The following SRGAP2C variants were observed in gnomAD, a reference collection of about 807,000 sequenced individuals.
The protein encoded by SRGAP2C is SLIT-ROBO Rho GTPase activating protein 2C.
Under a neutral mutation model 25.1 loss-of-function variants are expected in SRGAP2C, and 15 were observed. The observed-to-expected ratio is 0.60, with a 90% CI of 0.40 to 0.92. SRGAP2C has a LOEUF of 0.92. Ranked by LOEUF, SRGAP2C falls within the 40% of genes least tolerant of loss-of-function variation. The probability of loss-of-function intolerance (pLI) is 0.00; values close to 1 mark genes in which losing one functional copy is unlikely to be tolerated. For missense variants in SRGAP2C, 144 were observed against 264.4 expected (o/e 0.54, Z 3.16); for synonymous variants, 44 against 96.6 (o/e 0.46, Z 3.19).
chr1:121,304,964 TGA>T (rs1384587137), intron 3 of SRGAP2C, among the ~76,000 whole-genome samples: 1 of 152,210 alleles, frequency 6.6e-6, no homozygotes, highest in African/African-American at 2.4e-5. Flanking sequence ...TCAGGAGAAG[TGA>T]GAGACCCATG....
At chr1:121,193,118 CT>C in intron 2 of SRGAP2C, among the ~76,000 whole-genome samples, 1 of 135,196 alleles carries the variant, frequency 7.4e-6, no homozygotes, top group South Asian at 2.3e-4. Context: ...AATTAACACC[CT>C]TACTGATTTT....
intron 2 of SRGAP2C, among the ~76,000 whole-genome samples, chr1:121,211,416 T>TACACACAC (rs200891136): frequency 3.4e-4 from 44 of 130,172 alleles, no homozygotes; most frequent in South Asian, 1.4e-3. Context: ...TATATACACA[T>TACACACAC]ACACACACAC....
chr1:121,267,399 C>T (rs1302187711), intron 2 of SRGAP2C, among the ~76,000 whole-genome samples: 1 of 150,516 alleles, frequency 6.6e-6, no homozygotes, highest in East Asian at 1.9e-4. Flanking sequence ...GCCATGTTGG[C>T]CAGGCTGGTC....
chr1:121,324,445 C>T (rs1223461562), intron 3 of SRGAP2C, 33 bp from the exon 4 acceptor site: 1 of 1,607,526 alleles, frequency 6.2e-7, no homozygotes, highest in East Asian at 2.2e-5. Context: ...TGTGTATCAA[C>T]AATGACTTCT....
intron 3 of SRGAP2C, among the ~76,000 whole-genome samples, chr1:121,298,380 A>G (rs1470813559): frequency 6.8e-6 from 1 of 147,092 alleles, no homozygotes; most frequent in African/African-American, 2.5e-5. Flanking sequence ...ACAGGTCCCA[A>G]TTTTGACTTG....
At chr1:121,266,439 C>T (rs1312189862) in intron 2 of SRGAP2C, among the ~76,000 whole-genome samples, 1 of 151,906 alleles carries the variant, frequency 6.6e-6, no homozygotes, top group Non-Finnish European at 1.5e-5. Context: ...CTCATCACCC[C>T]TAATCATTGT....
At chr1:121,239,013 AG>A (rs1656028776) in intron 2 of SRGAP2C, among the ~76,000 whole-genome samples, 1 of 130,834 alleles carries the variant, frequency 7.6e-6, no homozygotes, top group African/African-American at 3.0e-5. Flanking sequence ...GAGGGAGACT[AG>A]AGGCAATAAC....
Position 121,338,650 on chromosome 1 carries a change from G to A in SRGAP2C, c.423+14010G>A, listed in dbSNP as rs1403980785. Among the ~76,000 whole-genome samples the A allele has an allele frequency of 2.0e-3, 240 of 119,660 alleles. 1 individual carries two copies. The highest frequency in any genetic ancestry group is 3.2e-3 in the Non-Finnish European group (190 of 58,610). 78.5% of individuals were successfully genotyped at this position (119,660 alleles called of 152,430 possible). On this transcript the variant is annotated intron_variant, in intron 4 of 9. Transcript: ENST00000367123. The stretch of plus-strand genomic sequence containing the variant: ...GCATTTACTCAATATGAAACTTCCA[G>A]TTATAGATTAATTTGAATTCTTTGC...
chr1:121,310,679 G>A (rs1657962412), intron 3 of SRGAP2C, among the ~76,000 whole-genome samples: 1 of 87,494 alleles, frequency 1.1e-5, no homozygotes, highest in Non-Finnish European at 2.4e-5. Context: ...TATTAAATAA[G>A]GAATCCTTTC....
rs587659934 is a variant in SRGAP2C at position 121,352,959 on chromosome 1, G to A, written c.424-12334G>A. 4.7e-4 allele frequency among the ~76,000 whole-genome samples: 70 copies of A among 148,338 alleles called. No individual in the cohort carries two copies. In the East Asian group the frequency reaches 6.0e-3, roughly 13 times the overall value. ...AAAAAAATTAGCCAGGCATAGTGGCGGGCACCTGTAGTCCCAGCTACTTGG... is the reference window on the plus strand; with the variant it reads ...AAAAAAATTAGCCAGGCATAGTGGCAGGCACCTGTAGTCCCAGCTACTTGG... On this transcript the variant is annotated intron_variant, in intron 4 of 9. Coordinates refer to ENST00000367123, the MANE Select transcript of SRGAP2C (RefSeq NM_001329984.2).
chr1:121,314,650 G>C (rs1658052817), intron 3 of SRGAP2C, among the ~76,000 whole-genome samples: 1 of 149,890 alleles, frequency 6.7e-6, no homozygotes, highest in African/African-American at 2.5e-5. Flanking sequence ...TAACAGACAG[G>C]ACCCTCAGCT....
chr1:121,259,821 T>A (rs1225482574), intron 2 of SRGAP2C, among the ~76,000 whole-genome samples: 1 of 148,992 alleles, frequency 6.7e-6, no homozygotes, highest in Admixed American at 6.8e-5. Context: ...CTTTTTAAAA[T>A]TTTTTCTTCT....
chr1:121,254,431 A>G (rs1656409959), intron 2 of SRGAP2C, among the ~76,000 whole-genome samples: 1 of 75,608 alleles, frequency 1.3e-5, no homozygotes, highest in African/African-American at 4.5e-5. Context: ...TTAAAAAAAC[A>G]TTTAAAATAA....
At chr1:121,237,555 T>C (rs1655988839) in intron 2 of SRGAP2C, among the ~76,000 whole-genome samples, 2 of 151,112 alleles carry the variant, frequency 1.3e-5, no homozygotes, top group Non-Finnish European at 3.0e-5. Flanking sequence ...TTTATTACAT[T>C]AGAAGAGAAC....
At chr1:121,383,210 G>T (rs1481234752) in intron 8 of SRGAP2C, among the ~76,000 whole-genome samples, 2 of 148,914 alleles carry the variant, frequency 1.3e-5, no homozygotes, top group African/African-American at 5.0e-5. Flanking sequence ...ATAGAGAGGG[G>T]TATCCAAAGG....
intron 3 of SRGAP2C, among the ~76,000 whole-genome samples, chr1:121,292,230 G>A (rs1390809896): frequency 4.6e-5 from 7 of 150,728 alleles, no homozygotes; most frequent in Non-Finnish European, 8.9e-5. Context: ...GTACAGTGAT[G>A]AGACCTCTAC....
intron 2 of SRGAP2C, among the ~76,000 whole-genome samples, chr1:121,239,267 CTATATATATATATACTATATAT>C (rs1656063038): frequency 4.7e-4 from 1 of 2,124 alleles, no homozygotes; most frequent in Non-Finnish European, 6.0e-4. Context: ...TATATATATA[CTATATATATATATACTATATAT>C]ATATATATAT....
chr1:121,351,168 G>C (rs1323069753), intron 4 of SRGAP2C, among the ~76,000 whole-genome samples: 3 of 152,112 alleles, frequency 2.0e-5, no homozygotes, highest in Non-Finnish European at 4.4e-5. Context: ...AAATGGTGCA[G>C]ATGCTATGGA....
At chr1:121,315,347 C>A (rs1658073208) in intron 3 of SRGAP2C, among the ~76,000 whole-genome samples, 2 of 147,280 alleles carry the variant, frequency 1.4e-5, no homozygotes, top group Admixed American at 6.8e-5. Context: ...GATTTTGAGA[C>A]CCAGAATGCA....
Sources: allele counts gnomAD v4.1 joint callset (sites outside exome capture counted in the v4.1 genomes callset), GRCh38; gene constraint gnomAD v4.1.1; transcripts MANE v1.5; gene names NCBI Gene and HGNC (gene_info 2026-07-23, HGNC 2026-07-21).